SLC4A10: variants seen among roughly 807,000 people sequenced by gnomAD.
SLC4A10 encodes the protein solute carrier family 4 member 10.
SLC4A10 carries 42 observed loss-of-function variants against 137.7 expected under a neutral mutation model. That is an observed-to-expected ratio of 0.30 (90% CI 0.24 to 0.39). The LOEUF (loss-of-function observed/expected upper bound fraction) is 0.39. Among genes scored for constraint, SLC4A10 ranks in the 10% least tolerant of loss-of-function variants. SLC4A10 has a pLI of 1.00. For missense variants in SLC4A10, 925 were observed against 1,355.0 expected, an observed-to-expected ratio of 0.68 and a Z score of 4.98; for synonymous variants, 474 against 464.1, an observed-to-expected ratio of 1.02 and a Z score of -0.27.
At chr2:161,913,912 C>A (rs929648239) in intron 15 of SLC4A10, among the ~76,000 whole-genome samples, 1 of 152,068 alleles carries the variant, frequency 6.6e-6, no homozygotes, top group African/African-American at 2.4e-5. Flanking sequence ...TTAAATTATT[C>A]TTGTTCATGT....
chr2:161,854,945 G>A (rs777639631), intron 4 of SLC4A10, 25 bp from the exon 5 acceptor site: 2 of 1,600,646 alleles, frequency 1.2e-6, no homozygotes, highest in Middle Eastern at 1.7e-4. Flanking sequence ...AATATAAACT[G>A]TGCTGATAAT....
chr2:161,875,987 G>A (rs190694338), intron 8 of SLC4A10, among the ~76,000 whole-genome samples: 10 of 152,148 alleles, frequency 6.6e-5, no homozygotes, highest in Middle Eastern at 3.4e-3. Context: ...AACTCTTAGC[G>A]TGTAGTTTGC....
At chr2:161,974,393 G>A (rs1699051269) in intron 24 of SLC4A10, 77 bp downstream of exon 24, 2 of 1,180,214 alleles carry the variant, frequency 1.7e-6, no homozygotes, top group African/African-American at 3.1e-5. Context: ...TTCATACTGT[G>A]TAGATCCTCA....
intron 3 of SLC4A10, among the ~76,000 whole-genome samples, chr2:161,808,826 C>A (rs117220319): frequency 6.6e-6 from 1 of 151,976 alleles, no homozygotes; most frequent in East Asian, 1.9e-4. Flanking sequence ...ATAAGGAAAC[C>A]TAGTTGATTC....
At position 161,964,227 on chromosome 2, in the gene SLC4A10, CTTCACAATTA is replaced by C; in HGVS notation, c.2960_2969del (p.Thr987ArgfsTer2). On this transcript the variant is annotated frameshift_variant, in exon 22 of 27. Coordinates refer to ENST00000446997, the MANE Select transcript of SLC4A10 (RefSeq NM_001178015.2). LOFTEE classifies it high-confidence loss of function. ...ACGTACCGCTTCGAAAAGTGCATCTCTTCACAATTATTCAGATGAGTTGCCTTGGCCTTTT... is the reference window on the plus strand; with the variant it reads ...ACGTACCGCTTCGAAAAGTGCATCTCTTCAGATGAGTTGCCTTGGCCTTTT... 6.2e-7 allele frequency: 1 copy of C among 1,613,606 alleles called. No individual in the cohort carries two copies. The highest frequency in any genetic ancestry group is 8.5e-7 in the Non-Finnish European group (1 of 1,179,670).
chr2:161,921,586 A>G (rs759388271), intron 15 of SLC4A10, among the ~76,000 whole-genome samples: 24 of 152,264 alleles, frequency 1.6e-4, no homozygotes, highest in Non-Finnish European at 2.2e-4. Context: ...TCAACAAGTA[A>G]TTGTGGAACA....
At chr2:161,658,649 A>G (rs1459601804) in intron 1 of SLC4A10, among the ~76,000 whole-genome samples, 1 of 134,612 alleles carries the variant, frequency 7.4e-6, no homozygotes, top group East Asian at 2.2e-4. Flanking sequence ...GCTGGAGTGC[A>G]GTGGTACAAT....
At position 161,809,587 on chromosome 2, in the gene SLC4A10, T is replaced by G. The variant is rs2056340868; in HGVS notation, c.277+4992T>G. Among the ~76,000 whole-genome samples the G allele has an allele frequency of 2.0e-5, 3 of 152,164 alleles. No individual in the cohort carries two copies. The South Asian group carries it at 6.2e-4, about 31-fold the overall frequency. On this transcript the variant is annotated intron_variant, in intron 3 of 26. Transcript: ENST00000446997. ...AAGTAGGTATCCAGTTTCATTATTT[T>G]GCATATGGCTTGACAGTTATCCCAG...
At chr2:161,890,347 G>C (rs2062782829) in intron 10 of SLC4A10, among the ~76,000 whole-genome samples, 1 of 151,930 alleles carries the variant, frequency 6.6e-6, no homozygotes, top group South Asian at 2.1e-4. Flanking sequence ...TATCCTTGTT[G>C]ATTTTTCTGT....
chr2:161,656,189 T>A (rs987146122), intron 1 of SLC4A10, among the ~76,000 whole-genome samples: 1 of 152,146 alleles, frequency 6.6e-6, no homozygotes, highest in East Asian at 1.9e-4. Context: ...CACAAATCAA[T>A]AAACGTGATA....
chr2:161,878,981 T>C (rs1353329378), intron 8 of SLC4A10, 150 bp from the exon 9 acceptor site: 2 of 592,532 alleles, frequency 3.4e-6, no homozygotes, highest in African/African-American at 1.9e-5. Context: ...AAGGTTATTA[T>C]AGAAAAAGGG....
chr2:161,762,468 A>G (rs908581128), intron 1 of SLC4A10, among the ~76,000 whole-genome samples: 2 of 152,160 alleles, frequency 1.3e-5, no homozygotes, highest in Non-Finnish European at 2.9e-5. Flanking sequence ...GACCTGAAGC[A>G]GTTGAGTCTT....
At position 161,888,659 on chromosome 2, in the gene SLC4A10, A is replaced by G. The variant is rs970723248; in HGVS notation, c.1195-6020A>G. On this transcript the variant is annotated intron_variant, in intron 10 of 26. Coordinates refer to ENST00000446997, the MANE Select transcript of SLC4A10 (RefSeq NM_001178015.2). ...GATTTTCTATCCTGAGACTTTGCTGAAGTTGCTTATCAGCTTAAGGAGATT... is the reference window on the plus strand; with the variant it reads ...GATTTTCTATCCTGAGACTTTGCTGGAGTTGCTTATCAGCTTAAGGAGATT... Among the ~76,000 whole-genome samples, 5 of 152,262 alleles carry G rather than the reference A, an allele frequency of 3.3e-5. No individual in the cohort carries two copies. The South Asian group carries it at 8.3e-4, about 25-fold the overall frequency.
chr2:161,955,778 G>T (rs1255430543), intron 19 of SLC4A10, among the ~76,000 whole-genome samples: 1 of 152,104 alleles, frequency 6.6e-6, no homozygotes, highest in East Asian at 1.9e-4. Context: ...ACTACAAACT[G>T]CTTGAAGTTA....
chr2:161,793,069 T>G (rs1046926892), intron 2 of SLC4A10, among the ~76,000 whole-genome samples: 15 of 152,136 alleles, frequency 9.9e-5, no homozygotes, highest in African/African-American at 3.6e-4. Context: ...ATATCAGTAT[T>G]CTGAGATTAC....
In SLC4A10 at chr2:161,736,007, G is replaced by A. The variant is rs149108427; in HGVS notation, c.49-34966G>A. On this transcript the variant is annotated intron_variant, in intron 1 of 26. Transcript: ENST00000446997. ...ACAATTTTGAAGTCATTTGTATTTC[G>A]TCATAATAACAATTTAAAACTAGCT... Among the ~76,000 whole-genome samples the A allele has an allele frequency of 2.6e-3, 396 of 151,514 alleles. 3 individuals carry two copies. The highest frequency in any genetic ancestry group is 8.9e-3 in the African/African-American group (367 of 41,078).
chr2:161,719,981 C>T (rs1234268342), intron 1 of SLC4A10, among the ~76,000 whole-genome samples: 2 of 152,294 alleles, frequency 1.3e-5, no homozygotes, highest in African/African-American at 4.8e-5. Flanking sequence ...TGCATATGTC[C>T]TGAATGGTAA....
At chr2:161,851,615 AGTCATCTTCACT>A (rs1239655817) in intron 4 of SLC4A10, among the ~76,000 whole-genome samples, 13 of 152,190 alleles carry the variant, frequency 8.5e-5, no homozygotes, top group Admixed American at 8.5e-4. Context: ...TCACTTATTT[AGTCATCTTCACT>A]GTTATCCAGA....
At chr2:161,626,578 C>T (rs943659807) in intron 1 of SLC4A10, among the ~76,000 whole-genome samples, 1 of 152,124 alleles carries the variant, frequency 6.6e-6, no homozygotes, top group Non-Finnish European at 1.5e-5. Flanking sequence ...AATTACTGGT[C>T]CAGTTTTATA....
Sources: allele counts gnomAD v4.1 joint callset (sites outside exome capture counted in the v4.1 genomes callset), GRCh38; gene constraint gnomAD v4.1.1; transcripts MANE v1.5; gene names NCBI Gene and HGNC (gene_info 2026-07-23, HGNC 2026-07-21).